Variants in C12orf42 observed in about 807,000 individuals in gnomAD.
C12orf42 encodes the protein uncharacterized protein C12orf42.
A neutral mutation model predicts 21.6 loss-of-function variants in C12orf42; 25 were observed. The ratio of observed to expected loss-of-function variants is 1.16; its 90% confidence interval spans 0.84 to 1.62. The LOEUF (loss-of-function observed/expected upper bound fraction) is 1.62, where lower values mean the gene tolerates loss of function less well. Among genes scored for constraint, C12orf42 ranks in the 40% most tolerant of loss-of-function variants. C12orf42 has a pLI of 0.00. For missense variants in C12orf42, 483 were observed against 459.3 expected (o/e 1.05, Z -0.47); for synonymous variants, 174 against 175.0 (o/e 0.99, Z 0.05).
the C12orf42 span, among the ~76,000 whole-genome samples, chr12:103,537,713 C>G: frequency 6.6e-6 from 1 of 152,284 alleles, no homozygotes; most frequent in African/African-American, 2.4e-5. Context: ...AAAGCACATT[C>G]TTTATAGCCC....
the C12orf42 span, among the ~76,000 whole-genome samples, chr12:103,101,489 A>T: frequency 1.3e-5 from 2 of 152,178 alleles, no homozygotes; most frequent in African/African-American, 2.4e-5. Context: ...CAAGAAATTG[A>T]CATCTTGTTC....
chr12:103,091,375 C>G, the C12orf42 span, among the ~76,000 whole-genome samples: 3 of 144,608 alleles, frequency 2.1e-5, no homozygotes, highest in East Asian at 5.8e-4. Flanking sequence ...TTTTCCCCCT[C>G]TTGCCTCAAA....
intron 2 of C12orf42, among the ~76,000 whole-genome samples, chr12:103,433,223 T>C (rs963901281): frequency 5.9e-5 from 9 of 152,252 alleles, no homozygotes; most frequent in African/African-American, 2.2e-4. Flanking sequence ...TTCTCCTTCC[T>C]TTCCTGTGTT....
chr12:103,539,639 G>A, the C12orf42 span, among the ~76,000 whole-genome samples: 1 of 151,874 alleles, frequency 6.6e-6, no homozygotes, highest in African/African-American at 2.4e-5. Context: ...GAGTGCAGTG[G>A]CACAATCTCA....
chr12:103,393,087 G>A (rs12815173), intron 3 of C12orf42, among the ~76,000 whole-genome samples: 28,022 of 152,044 alleles, frequency 0.18, 3,065 homozygotes, highest in East Asian at 0.35. Flanking sequence ...TTTTTGGTCA[G>A]TCAACCAGAA....
intron 2 of C12orf42, among the ~76,000 whole-genome samples, chr12:103,436,012 A>T (rs1950674755): frequency 1.3e-5 from 2 of 151,566 alleles, no homozygotes; most frequent in Non-Finnish European, 1.5e-5. Flanking sequence ...AAAGGTCGGG[A>T]TATCCTCAAA....
chr12:103,390,279 T>C (rs933333993), intron 3 of C12orf42, among the ~76,000 whole-genome samples: 10 of 152,206 alleles, frequency 6.6e-5, no homozygotes, highest in African/African-American at 2.4e-4. Context: ...TCATTTAATC[T>C]TTATTTTTAA....
the C12orf42 span, among the ~76,000 whole-genome samples, chr12:103,201,860 T>C: frequency 6.6e-6 from 1 of 152,218 alleles, no homozygotes; most frequent in Non-Finnish European, 1.5e-5. Flanking sequence ...AAATCACTCG[T>C]TTGCTTTTTG....
chr12:103,507,227 A>ATTTATATTATATATAT, the C12orf42 span, among the ~76,000 whole-genome samples: 1 of 38,084 alleles, frequency 2.6e-5, no homozygotes, highest in African/African-American at 1.9e-4. Flanking sequence ...ATATAAATAT[A>ATTTATATTATATATAT]AATATATATA....
chr12:103,234,202 A>G (rs912227684), downstream of C12orf42, among the ~76,000 whole-genome samples: 1 of 152,146 alleles, frequency 6.6e-6, no homozygotes, highest in African/African-American at 2.4e-5. Flanking sequence ...TTGGTATACT[A>G]ATTTTTAAAA....
rs1454306255 is a variant in C12orf42, at chr12:103,256,109, TATACACACACACACACAC to T, written c.*1366+7199_*1366+7216del. On this transcript the variant is annotated intron_variant and NMD_transcript_variant, in intron 10 of 10. Coordinates refer to the C12orf42 transcript ENST00000547347. ...AAATATATATATATATATATATATA[TATACACACACACACACAC>T]ACACACACACACACACACGTATATA... 2.6e-3 allele frequency among the ~76,000 whole-genome samples: 113 copies of T among 43,814 alleles called. 1 individual carries two copies. The highest frequency in any genetic ancestry group is 8.4e-3 in the African/African-American group (94 of 11,164). The allele number at this position is 43,814 out of a possible 152,430, so 28.7% of individuals were successfully genotyped here.
the C12orf42 span, among the ~76,000 whole-genome samples, chr12:103,167,874 G>A: frequency 8.1e-6 from 1 of 123,856 alleles, no homozygotes; most frequent in East Asian, 2.4e-4. Context: ...TCTCTGAGGG[G>A]TGGGCGTGTG....
chr12:103,442,382 G>A (rs1951302135), intron 2 of C12orf42, among the ~76,000 whole-genome samples: 1 of 152,112 alleles, frequency 6.6e-6, no homozygotes. Flanking sequence ...GCATGCACTG[G>A]ACAGCACAGA....
intron 2 of C12orf42, among the ~76,000 whole-genome samples, chr12:103,466,695 C>T (rs541336059): frequency 1.3e-5 from 2 of 152,276 alleles, no homozygotes; most frequent in East Asian, 3.9e-4. Context: ...AGTCATTCAC[C>T]TGTCTCTGCA....
intron 4 of C12orf42, among the ~76,000 whole-genome samples, chr12:103,345,801 C>T (rs1328142752): frequency 6.6e-6 from 1 of 152,056 alleles, no homozygotes; most frequent in African/African-American, 2.4e-5. Context: ...AATATGTATA[C>T]AGGTTTATTG....
the C12orf42 span, among the ~76,000 whole-genome samples, chr12:103,068,931 CCA>C: frequency 6.1e-3 from 287 of 47,004 alleles, 35 homozygotes; most frequent in Non-Finnish European, 7.6e-3. Flanking sequence ...ATCTCTCTCT[CCA>C]CATATATATA....
chr12:103,327,493 A>C (rs1047296201), intron 4 of C12orf42, among the ~76,000 whole-genome samples: 1 of 152,224 alleles, frequency 6.6e-6, no homozygotes, highest in Non-Finnish European at 1.5e-5. Flanking sequence ...AAAAGTAAGA[A>C]GTGATATTCA....
the C12orf42 span, among the ~76,000 whole-genome samples, chr12:103,190,737 G>C: frequency 6.6e-6 from 1 of 152,160 alleles, no homozygotes; most frequent in Non-Finnish European, 1.5e-5. Context: ...GAATGAAAAT[G>C]AATGAAGAAA....
the C12orf42 span, among the ~76,000 whole-genome samples, chr12:103,057,961 C>CTT: frequency 7.8e-5 from 11 of 141,172 alleles, no homozygotes; most frequent in Admixed American, 2.1e-4. Flanking sequence ...TGATAATGAG[C>CTT]TTTTTTTTTT....
Sources: allele counts gnomAD v4.1 joint callset (sites outside exome capture counted in the v4.1 genomes callset), GRCh38; gene constraint gnomAD v4.1.1; transcripts MANE v1.5; gene names NCBI Gene and HGNC (gene_info 2026-07-23, HGNC 2026-07-21).